Variants in PCDH9 observed in about 807,000 individuals in gnomAD.
The protein encoded by PCDH9 is protocadherin-9.
A neutral mutation model predicts 70.6 loss-of-function variants in PCDH9; 24 were observed. The observed-to-expected ratio is 0.34, with a 90% CI of 0.25 to 0.48. The LOEUF (loss-of-function observed/expected upper bound fraction) is 0.48, where lower values mean the gene tolerates loss of function less well. PCDH9 is among the 20% of genes least tolerant of loss of function. The pLI is 0.99. For missense variants in PCDH9, 1,281 were observed against 1,503.6 expected (o/e 0.85, Z 2.45); for synonymous variants, 562 against 558.5 (o/e 1.01, Z -0.09).
chr13:66,792,094 G>A (rs1041514040), intron 3 of PCDH9, among the ~76,000 whole-genome samples: 3 of 152,130 alleles, frequency 2.0e-5, no homozygotes, highest in African/African-American at 7.2e-5. Flanking sequence ...AGGCATATTA[G>A]TGTGGTTTTA....
intron 2 of PCDH9, among the ~76,000 whole-genome samples, chr13:67,082,869 A>G (rs1053310841): frequency 1.1e-4 from 16 of 152,276 alleles, no homozygotes; most frequent in African/African-American, 3.8e-4. Flanking sequence ...TTTTTCTGTT[A>G]CTATGTTTAA....
At chr13:66,788,072 G>A (rs181614738) in intron 3 of PCDH9, among the ~76,000 whole-genome samples, 1 of 152,098 alleles carries the variant, frequency 6.6e-6, no homozygotes, top group East Asian at 1.9e-4. Context: ...CATCCACTTT[G>A]TGTTGCTAGA....
At chr13:66,508,310 CAG>C (rs1959282554) in intron 4 of PCDH9, among the ~76,000 whole-genome samples, 1 of 152,056 alleles carries the variant, frequency 6.6e-6, no homozygotes, top group African/African-American at 2.4e-5. Context: ...CTTGGGGTGA[CAG>C]AAATATTTTG....
chr13:66,744,846 T>G (rs1416661921), intron 3 of PCDH9, among the ~76,000 whole-genome samples: 2 of 152,172 alleles, frequency 1.3e-5, no homozygotes, highest in African/African-American at 4.8e-5. Flanking sequence ...GTTCTGGCAT[T>G]TACTGACTAT....
chr13:66,363,287 G>A (rs902698990), intron 4 of PCDH9, among the ~76,000 whole-genome samples: 1 of 152,040 alleles, frequency 6.6e-6, no homozygotes, highest in Non-Finnish European at 1.5e-5. Context: ...CATTTTAACA[G>A]ATCTTTAATT....
intron 3 of PCDH9, among the ~76,000 whole-genome samples, chr13:66,667,287 T>G (rs536752102): frequency 2.6e-5 from 4 of 152,180 alleles, no homozygotes; most frequent in African/African-American, 7.2e-5. Context: ...CTGTGAAAGC[T>G]CTTTCCAGTC....
chr13:66,573,334 T>TG (rs2076762497), intron 4 of PCDH9, among the ~76,000 whole-genome samples: 1 of 151,880 alleles, frequency 6.6e-6, no homozygotes, highest in Non-Finnish European at 1.5e-5. Context: ...AATCCTTTGT[T>TG]GGATAGATAG....
intron 3 of PCDH9, among the ~76,000 whole-genome samples, chr13:66,675,150 TA>T (rs1206152315): frequency 6.6e-6 from 1 of 152,112 alleles, no homozygotes; most frequent in Non-Finnish European, 1.5e-5. Context: ...GATTTTAAGA[TA>T]AAAACCTATA....
chr13:66,731,001 GGC>G (rs1347055671), intron 3 of PCDH9, among the ~76,000 whole-genome samples: 101 of 150,516 alleles, frequency 6.7e-4, no homozygotes, highest in African/African-American at 2.4e-3. Context: ...TGGGATAACA[GGC>G]TGAACTATCA....
chr13:66,665,000 A>G (rs369255669), intron 3 of PCDH9, among the ~76,000 whole-genome samples: 42 of 152,274 alleles, frequency 2.8e-4, no homozygotes, highest in African/African-American at 9.4e-4. Flanking sequence ...GAAGCCCCCA[A>G]TGGAAAAACC....
At chr13:66,975,393 T>C (rs1391970457) in intron 2 of PCDH9, among the ~76,000 whole-genome samples, 2 of 152,028 alleles carry the variant, frequency 1.3e-5, no homozygotes, top group Non-Finnish European at 2.9e-5. Flanking sequence ...GTGTTAGACA[T>C]TGTCATAAAT....
chr13:67,109,728 C>T (rs1379847110), intron 2 of PCDH9, among the ~76,000 whole-genome samples: 1 of 152,074 alleles, frequency 6.6e-6, no homozygotes, highest in Non-Finnish European at 1.5e-5. Context: ...ATTTTATTTT[C>T]AATCAAAATA....
intron 4 of PCDH9, among the ~76,000 whole-genome samples, chr13:66,375,243 A>G (rs1956727572): frequency 2.0e-5 from 3 of 152,054 alleles, no homozygotes; most frequent in Admixed American, 2.0e-4. Context: ...TCTGTCCCCA[A>G]ATTTCTTAGA....
intron 2 of PCDH9, among the ~76,000 whole-genome samples, chr13:67,033,994 T>C (rs1044880269): frequency 3.3e-5 from 5 of 152,100 alleles, no homozygotes; most frequent in African/African-American, 1.2e-4. Context: ...TTGTTTGTTT[T>C]TGTTTTTTGA....
intron 3 of PCDH9, among the ~76,000 whole-genome samples, chr13:66,785,833 T>C (rs1490509755): frequency 1.3e-5 from 2 of 151,274 alleles, no homozygotes; most frequent in Non-Finnish European, 2.9e-5. Context: ...GAAGACTTTA[T>C]GGGTTTTTCC....
chr13:66,369,053 TA>T (rs1956601758), intron 4 of PCDH9, among the ~76,000 whole-genome samples: 1 of 152,122 alleles, frequency 6.6e-6, no homozygotes, highest in Non-Finnish European at 1.5e-5. Flanking sequence ...TTTCTCTTGC[TA>T]AAATAAAACT....
chr13:67,105,750 A>C (rs1333046312), intron 2 of PCDH9, among the ~76,000 whole-genome samples: 2 of 151,972 alleles, frequency 1.3e-5, no homozygotes, highest in African/African-American at 4.8e-5. Flanking sequence ...TCCAAAGCTT[A>C]AATTTTGACA....
intron 3 of PCDH9, among the ~76,000 whole-genome samples, chr13:66,758,175 C>A (rs1011450227): frequency 1.3e-5 from 2 of 151,986 alleles, no homozygotes; most frequent in African/African-American, 4.8e-5. Flanking sequence ...AGCTATTTAA[C>A]AAGTGTGTTA....
intron 2 of PCDH9, among the ~76,000 whole-genome samples, chr13:67,185,149 A>G (rs903599111): frequency 1.3e-5 from 2 of 152,234 alleles, no homozygotes; most frequent in Non-Finnish European, 2.9e-5. Context: ...TTAGAAAAGA[A>G]GGAAAGAAAA....
Sources: gnomAD v4.1 joint callset for allele counts (sites outside exome capture counted in the v4.1 genomes callset) on GRCh38, gnomAD v4.1.1 for gene constraint, MANE v1.5 for transcripts, NCBI Gene and HGNC (gene_info 2026-07-23, HGNC 2026-07-21) for gene names.